The following NEBL variants were observed in gnomAD, a reference collection of about 807,000 sequenced individuals.
The protein encoded by NEBL is LIM and SH3 protein 2.
In NEBL, 122 loss-of-function variants were observed where a neutral mutation model predicts 140.2. The ratio of observed to expected loss-of-function variants is 0.87; its 90% CI spans 0.75 to 1.01. The LOEUF (loss-of-function observed/expected upper bound fraction) is 1.01. Ranked by LOEUF, NEBL falls within the 50% of genes least tolerant of loss-of-function variation. NEBL has a pLI of 0.00. For missense variants in NEBL, 1,365 were observed against 1,231.3 expected, an observed-to-expected ratio of 1.11 and a Z score of -1.62; for synonymous variants, 436 against 398.9, an observed-to-expected ratio of 1.09 and a Z score of -1.11.
At chr10:20,975,851 A>G (rs1836771889) in intron 3 of NEBL, among the ~76,000 whole-genome samples, 1 of 152,178 alleles carries the variant, frequency 6.6e-6, no homozygotes, top group African/African-American at 2.4e-5. Flanking sequence ...TGGGCTGTAA[A>G]GAGATTTAGA....
At position 20,897,045 on chromosome 10, in the gene NEBL, G is replaced by C. The variant is rs199531054; in HGVS notation, c.82-16C>G. 5.6e-6 allele frequency: 9 copies of C among 1,610,104 alleles called. No homozygotes were observed. The Admixed American group carries it at 1.2e-4, about 21-fold the overall frequency. On this transcript the variant is annotated splice_polypyrimidine_tract_variant and intron_variant, in intron 1 of 27. Transcript: ENST00000377122. Reference sequence around the variant, plus strand: ...TATAGAAGACCTATTTGAAAAAAAAGAAAAGAACAGAAAGAACATTTTTCT... The same window carrying C: ...TATAGAAGACCTATTTGAAAAAAAACAAAAGAACAGAAAGAACATTTTTCT...
intron 4 of NEBL, among the ~76,000 whole-genome samples, chr10:20,908,030 G>A (rs188268758): frequency 6.8e-4 from 103 of 152,190 alleles, no homozygotes; most frequent in African/African-American, 2.3e-3. Flanking sequence ...TGAAGTCTTC[G>A]AAGTTCTTGA....
chr10:20,997,799 T>A (rs1837733922), intron 3 of NEBL, among the ~76,000 whole-genome samples: 1 of 152,156 alleles, frequency 6.6e-6, no homozygotes, highest in Non-Finnish European at 1.5e-5. Flanking sequence ...TATACAGAAT[T>A]TGAATTTAAA....
chr10:21,285,904 C>G (rs945332520), intron 1 of NEBL, among the ~76,000 whole-genome samples: 4 of 152,330 alleles, frequency 2.6e-5, no homozygotes, highest in Admixed American at 6.5e-5. Flanking sequence ...ACCCCACACC[C>G]TGTGAGAGTT....
chr10:20,846,461 A>T (rs1841956312), intron 11 of NEBL, among the ~76,000 whole-genome samples: 1 of 152,178 alleles, frequency 6.6e-6, no homozygotes, highest in Admixed American at 6.6e-5. Flanking sequence ...CATGTGTTCC[A>T]TACAGCAATC....
At chr10:21,020,321 T>C in intron 2 of NEBL, 1 of 834,314 alleles carries the variant, frequency 1.2e-6, no homozygotes, top group Non-Finnish European at 2.0e-6. Flanking sequence ...AAGAGGGACC[T>C]GAGCTTGGCT....
At chr10:20,951,981 C>T (rs1313071956) in intron 4 of NEBL, among the ~76,000 whole-genome samples, 2 of 152,034 alleles carry the variant, frequency 1.3e-5, no homozygotes, top group African/African-American at 2.4e-5. Flanking sequence ...TCACATCTGC[C>T]CAGGCTAAAC....
At chr10:21,124,601 G>A (rs1838729110) in intron 2 of NEBL, among the ~76,000 whole-genome samples, 2 of 152,242 alleles carry the variant, frequency 1.3e-5, no homozygotes, top group Admixed American at 6.5e-5. Context: ...AAAGAGGATG[G>A]GGAATGTAGA....
At chr10:21,116,462 A>G (rs952332968) in intron 2 of NEBL, among the ~76,000 whole-genome samples, 1 of 152,130 alleles carries the variant, frequency 6.6e-6, no homozygotes, top group Non-Finnish European at 1.5e-5. Context: ...CCAAATTACC[A>G]AAGTGTCCAT....
chr10:21,002,572 A>T (rs1454888841), intron 3 of NEBL, among the ~76,000 whole-genome samples: 3 of 152,236 alleles, frequency 2.0e-5, no homozygotes, highest in Non-Finnish European at 4.4e-5. Context: ...AAGAGGTTTA[A>T]CTGGCTCACA....
Position 20,780,771 on chromosome 10 carries a change from G to A in NEBL, c.*4976C>T, listed in dbSNP as rs751845908. On this transcript the variant is annotated 3_prime_UTR_variant, in exon 28 of 28. Transcript: ENST00000377122. ...TGAAGAGAGTGCATTTGAGAACGCA[G>A]TTCTATCATAGGAGACCACTTGCAG... The A allele has an allele frequency of 1.6e-4, 24 of 152,312 alleles. No homozygotes were observed. The highest frequency in any genetic ancestry group is 3.4e-3 in the Middle Eastern group (1 of 294). The allele number at this position is 152,312 out of a possible 1,614,324, so 9.4% of individuals were successfully genotyped here.
chr10:21,293,012 G>A (rs954403676), upstream of NEBL, among the ~76,000 whole-genome samples: 16 of 152,206 alleles, frequency 1.1e-4, no homozygotes, highest in African/African-American at 3.9e-4. Context: ...AAGAGTCTCC[G>A]TGGTTCCTCC....
chr10:21,173,716 C>T lies in NEBL; in HGVS notation c.69+49G>A. The stretch of plus-strand genomic sequence containing the variant: ...GTGCCAAAACTTCTCGAAGCAGGTG[C>T]AGCCCCTCGCCCGGCAGGTCCAGGC... On this transcript the variant is annotated intron_variant, in intron 1 of 6. Coordinates refer to the NEBL transcript ENST00000417816. The surrounding 1 kb of genome is among the most constrained non-coding windows in gnomAD (Gnocchi z 5.7). The T allele has an allele frequency of 3.7e-6, 6 of 1,610,524 alleles. No individual in the cohort carries two copies. Among genetic ancestry groups the T allele is most frequent in the Non-Finnish European group, 5.1e-6 (6 of 1,179,568 alleles).
At chr10:20,833,062 T>C (rs1226631849) in intron 14 of NEBL, among the ~76,000 whole-genome samples, 1 of 152,226 alleles carries the variant, frequency 6.6e-6, no homozygotes, top group African/African-American at 2.4e-5. Flanking sequence ...AATTTTTTAA[T>C]ATGAACTTTC....
intron 3 of NEBL, among the ~76,000 whole-genome samples, chr10:20,996,955 T>C (rs2131701313): frequency 6.6e-6 from 1 of 152,290 alleles, no homozygotes; most frequent in East Asian, 1.9e-4. Context: ...AAAATAAATG[T>C]TCAAACTGGA....
chr10:21,280,407 G>A (rs755002709), intron 1 of NEBL, among the ~76,000 whole-genome samples: 4 of 152,088 alleles, frequency 2.6e-5, no homozygotes, highest in Admixed American at 2.0e-4. Context: ...GTTGGATTTC[G>A]GGCAAAGAGC....
chr10:21,158,532 C>T (rs1042387927), intron 2 of NEBL, among the ~76,000 whole-genome samples: 2 of 152,124 alleles, frequency 1.3e-5, no homozygotes, highest in Non-Finnish European at 2.9e-5. Flanking sequence ...GATGGTGAGG[C>T]AAAGTAACTC....
intron 3 of NEBL, among the ~76,000 whole-genome samples, chr10:21,221,754 C>A (rs547636930): frequency 1.3e-5 from 2 of 152,304 alleles, no homozygotes; most frequent in South Asian, 4.1e-4. Context: ...ATCCGCCCGC[C>A]TTGACCTCTC....
chr10:21,266,976 T>C (rs1215160148), intron 1 of NEBL, among the ~76,000 whole-genome samples: 2 of 151,930 alleles, frequency 1.3e-5, no homozygotes, highest in Admixed American at 6.6e-5. Context: ...GGGGTTTTTT[T>C]TGTTTTTTGT....
Sources: gnomAD v4.1 joint callset for allele counts (sites outside exome capture counted in the v4.1 genomes callset) on GRCh38, gnomAD v4.1.1 for gene constraint, Gnocchi (gnomAD v3.1) non-coding constraint, MANE v1.5 for transcripts, NCBI Gene and HGNC (gene_info 2026-07-23, HGNC 2026-07-21) for gene names.